Variants in GAS6 observed in about 807,000 individuals in gnomAD.
The protein encoded by GAS6 is growth arrest specific 6.
GAS6 carries 41 observed loss-of-function variants against 75.8 expected under a neutral mutation model. The ratio of observed to expected loss-of-function variants is 0.54; its 90% confidence interval spans 0.42 to 0.70. The LOEUF (loss-of-function observed/expected upper bound fraction) is 0.70. Among genes scored for constraint, GAS6 ranks in the 30% least tolerant of loss-of-function variants. GAS6 has a pLI of 0.00. For missense variants in GAS6, 854 were observed against 940.2 expected, an observed-to-expected ratio of 0.91 and a Z score of 1.20; for synonymous variants, 432 against 412.6, an observed-to-expected ratio of 1.05 and a Z score of -0.57.
chr13:113,853,810 C>T (rs779582726), intron 2 of GAS6, among the ~76,000 whole-genome samples: 1 of 152,186 alleles, frequency 6.6e-6, no homozygotes, highest in African/African-American at 2.4e-5. Flanking sequence ...TCTGAAGAGC[C>T]GCCGTCTTAC....
intron 2 of GAS6, among the ~76,000 whole-genome samples, chr13:113,858,497 C>A (rs2051933140): frequency 7.8e-6 from 1 of 128,600 alleles, no homozygotes; most frequent in African/African-American, 3.2e-5. Context: ...GTATGCATGT[C>A]TGTGTGTGAC....
In GAS6 at chr13:113,835,627, C is replaced by G; in HGVS notation, c.598G>C (p.Glu200Gln). The change falls in exon 7 of 15, where the codon GAG (glutamate) becomes CAG (glutamine). Residue 200 changes from glutamate to glutamine, a missense_variant. By Grantham distance (29) the Glu-to-Gln change is conservative. Transcript: ENST00000327773. The stretch of plus-strand genomic sequence containing the variant: ...CCGCAGGCCTCCGAGTCTGCGCACT[C>G]GTCTATGTCTGCAAGCAAAAAAAAA... ...SDGRTCQDID[E>Q]CADSEACGEA... is the part of the protein sequence containing the mutation. 6.2e-7 allele frequency: 1 copy of G among 1,611,376 alleles called. No individual in the cohort carries two copies. The highest frequency in any genetic ancestry group is 8.5e-7 in the Non-Finnish European group (1 of 1,179,550).
At chr13:113,821,636 C>A in intron 14 of GAS6, 1 of 371,592 alleles carries the variant, frequency 2.7e-6, no homozygotes. Flanking sequence ...CAGCCTGGCC[C>A]GAGGTCTGCC....
At chr13:113,835,966 GC>G (rs201417397) in intron 6 of GAS6, 33,114 of 1,098,566 alleles carry the variant, frequency 0.03, 601 homozygotes, top group Middle Eastern at 0.05. Context: ...AGGACACGGG[GC>G]CGTAAAAAGT....
chr13:113,828,691 C>T lies in GAS6; in HGVS notation c.1164G>A (p.Ala388=), dbSNP rs375788560. Residue 388 remains alanine (A), a synonymous_variant, in exon 11 of 15, where the codon GCG becomes GCA. Transcript: ENST00000327773. ...MWQTISVEEL[A]RNLVIKVNRD... is the part of the protein sequence containing the mutation. ...TGTTGACCTTGATGACCAGATTCCGCGCCAGCTCCTCAACAGAGATCTGAA... is the reference window on the plus strand; with the variant it reads ...TGTTGACCTTGATGACCAGATTCCGTGCCAGCTCCTCAACAGAGATCTGAA... 373 of 1,613,254 alleles carry T rather than the reference C, an allele frequency of 2.3e-4. No homozygotes were observed. The highest frequency in any genetic ancestry group is 6.3e-4 in the Admixed American group (38 of 59,998).
rs11619194 is a variant in GAS6, at chr13:113,845,406, G to C, written c.343+1121C>G. ...GTCCCGCCACGCCTCTGCTCTCAGCGCCCACAGGGACTCACCAAGCTGGAC... is the reference window on the plus strand; with the variant it reads ...GTCCCGCCACGCCTCTGCTCTCAGCCCCCACAGGGACTCACCAAGCTGGAC... On this transcript the variant is annotated intron_variant, in intron 4 of 14. Transcript: ENST00000327773. The surrounding 1 kb of genome is among the most constrained non-coding windows in gnomAD (Gnocchi z 4.3). 21 of 150,156 alleles carry C rather than the reference G, an allele frequency of 1.4e-4. 2 individuals are homozygous for C. Among genetic ancestry groups the C allele is most frequent in the African/African-American group, 5.0e-4 (20 of 39,728 alleles). 9.3% of individuals were successfully genotyped at this position (150,156 alleles called of 1,614,324 possible). A position where few individuals can be genotyped will look rare whatever the true frequency, so the allele number is the denominator to read the frequency against.
Position 113,863,555 on chromosome 13 carries a change from C to G in GAS6, c.255+20G>C. 6.7e-7 allele frequency: 1 copy of G among 1,499,554 alleles called. No individual in the cohort carries two copies. Among genetic ancestry groups the G allele is most frequent in the Non-Finnish European group, 8.9e-7 (1 of 1,129,184 alleles). The allele number at this position is 1,499,554 out of a possible 1,614,324, so 92.9% of individuals were successfully genotyped here. A position where few individuals can be genotyped will look rare whatever the true frequency, so the allele number is the denominator to read the frequency against. On this transcript the variant is annotated intron_variant, in intron 2 of 14. Transcript: ENST00000327773. This position sits in a 1 kb window ranked among gnomAD's most constrained non-coding sequence, Gnocchi z 9.4. The stretch of plus-strand genomic sequence containing the variant: ...GCGGGCGCCAGGGGTTCCCCCGCAT[C>G]CCGCCCGCCGGCTGCTCACCGTCTC...
rs975403213 is a variant in GAS6 at position 113,848,248 on chromosome 13, C to T, written c.256-198G>A. Among the ~76,000 whole-genome samples the T allele has an allele frequency of 1.3e-5, 2 of 152,036 alleles. No individual in the cohort carries two copies. The highest frequency in any genetic ancestry group is 2.4e-5 in the African/African-American group (1 of 41,390). On this transcript the variant is annotated intron_variant, in intron 2 of 14. Coordinates refer to ENST00000327773, the MANE Select transcript of GAS6 (RefSeq NM_000820.4). This position sits in a 1 kb window ranked among gnomAD's most constrained non-coding sequence, Gnocchi z 4.8. Reference sequence around the variant, plus strand: ...GCAAAGGCAGGGCCATTTCCAGCTGCGTAGGAAGTGCTACCAGGTGTGTCC... The same window carrying T: ...GCAAAGGCAGGGCCATTTCCAGCTGTGTAGGAAGTGCTACCAGGTGTGTCC...
rs34081665 is a variant in GAS6 at position 113,829,200 on chromosome 13, C to A, written c.1144-489G>T. Among the ~76,000 whole-genome samples the A allele has an allele frequency of 6.5e-3, 443 of 68,420 alleles. 1 individual carries two copies. Among genetic ancestry groups the A allele is most frequent in the Middle Eastern group, 0.019 (2 of 104 alleles). The allele number at this position is 68,420 out of a possible 152,430, so 44.9% of individuals were successfully genotyped here. On this transcript the variant is annotated intron_variant, in intron 10 of 14. Transcript: ENST00000327773. ...AGGGTCCCGATCTCAGGGAGACCACCTGATCCTCACCTGGGCCAAGAGGGT... is the reference window on the plus strand; with the variant it reads ...AGGGTCCCGATCTCAGGGAGACCACATGATCCTCACCTGGGCCAAGAGGGT...
rs2051725650 is a variant in GAS6, at chr13:113,837,067, T to TA, written c.589+1001dup. ...TAGACGTCATCTCTCAGGATCGGCC[T>TA]AGTCTTCACCTCTCTTTAAACCTGG... is the stretch of plus-strand genomic sequence containing the variant. On this transcript the variant is annotated intron_variant, in intron 6 of 14. Coordinates refer to ENST00000327773, the MANE Select transcript of GAS6 (RefSeq NM_000820.4). This position sits in a 1 kb window ranked among gnomAD's most constrained non-coding sequence, Gnocchi z 5.1. Among the ~76,000 whole-genome samples, 1 of 151,920 alleles carries TA rather than the reference T, an allele frequency of 6.6e-6. No individual in the cohort carries two copies.
intron 13 of GAS6, 153 bp from the exon 14 acceptor site, chr13:113,822,339 C>G: frequency 3.6e-6 from 2 of 553,398 alleles, no homozygotes; most frequent in South Asian, 2.9e-5. Context: ...TGCTCGCTGA[C>G]TGTGGATGAC....
At chr13:113,834,022 G>A (rs1048037432) in intron 8 of GAS6, among the ~76,000 whole-genome samples, 4 of 145,684 alleles carry the variant, frequency 2.7e-5, no homozygotes, top group African/African-American at 7.7e-5. Context: ...GACAGGCCCC[G>A]GTGTGACAGG....
At chr13:113,828,131 G>A (rs1421272870) in intron 11 of GAS6, among the ~76,000 whole-genome samples, 1 of 152,132 alleles carries the variant, frequency 6.6e-6, no homozygotes, top group Non-Finnish European at 1.5e-5. Context: ...GGACGTGGTG[G>A]CGGGCGCCTG....
intron 10 of GAS6, 104 bp from the exon 11 acceptor site, chr13:113,828,815 G>C (rs117377363): frequency 3.0e-6 from 4 of 1,320,090 alleles, no homozygotes; most frequent in Non-Finnish European, 4.2e-6. Flanking sequence ...AGAGGGTCCC[G>C]ACCTCGGGGA....
At chr13:113,859,101 T>C (rs907408867) in intron 2 of GAS6, among the ~76,000 whole-genome samples, 3 of 150,490 alleles carry the variant, frequency 2.0e-5, no homozygotes, top group Non-Finnish European at 2.9e-5. Flanking sequence ...TGTGTGTGCA[T>C]GTCTGTCAGT....
In GAS6 at chr13:113,839,833, T is replaced by G. The variant is rs1048220463; in HGVS notation, c.361A>C (p.Thr121Pro). Reference protein sequence around the residue: ...TCVQNLPDQCTPNPCDRKGTQ... With the variant: ...TCVQNLPDQCPPNPCDRKGTQ... ...CCCTTCCTATCGCAGGGGTTGGGCG[T>G]GCACTGGTCAGGCAGGTCTGATTGG... is the stretch of plus-strand genomic sequence containing the variant. Residue 121 changes from threonine (T) to proline (P), a missense_variant, in exon 5 of 15, where the codon ACG (threonine) becomes CCG (proline). By Grantham distance (38) the Thr-to-Pro change is conservative. Transcript: ENST00000327773. 6.2e-7 allele frequency: 1 copy of G among 1,613,910 alleles called. No homozygotes were observed. Among genetic ancestry groups the G allele is most frequent in the African/African-American group, 1.3e-5 (1 of 75,050 alleles).
chr13:113,825,817 CG>C (rs201949264), intron 12 of GAS6, among the ~76,000 whole-genome samples: 1 of 144,420 alleles, frequency 6.9e-6, no homozygotes, highest in African/African-American at 2.8e-5. Flanking sequence ...TTTTGACACC[CG>C]GGGGGAGACG....
intron 3 of GAS6, among the ~76,000 whole-genome samples, chr13:113,847,381 C>T (rs1052422943): frequency 1.3e-5 from 2 of 152,200 alleles, no homozygotes; most frequent in Non-Finnish European, 2.9e-5. Flanking sequence ...AAAAAGAAGA[C>T]CCTGGAATAC....
chr13:113,856,393 G>A (rs957405412), intron 2 of GAS6, among the ~76,000 whole-genome samples: 9 of 152,162 alleles, frequency 5.9e-5, no homozygotes, highest in Admixed American at 5.9e-4. Context: ...CAGCCTCTCA[G>A]GGCCTCAGTT....
Sources: allele counts gnomAD v4.1 joint callset (sites outside exome capture counted in the v4.1 genomes callset), GRCh38; gene constraint gnomAD v4.1.1; non-coding constraint Gnocchi (gnomAD v3.1); transcripts MANE v1.5; gene names NCBI Gene and HGNC (gene_info 2026-07-23, HGNC 2026-07-21).